RERE: variants seen among roughly 807,000 people sequenced by gnomAD.
RERE encodes arginine-glutamic acid dipeptide repeats.
RERE carries 40 observed loss-of-function variants against 146.1 expected under a neutral mutation model. The ratio of observed to expected loss-of-function variants is 0.27; its 90% CI spans 0.21 to 0.36. The LOEUF is 0.36. Ranked by LOEUF, RERE falls within the 10% of genes least tolerant of loss-of-function variation. The pLI is 1.00. For synonymous variants in RERE, 1,003 were observed against 866.0 expected (o/e 1.16, Z -2.78); for missense variants, 1,933 against 2,138.7 (o/e 0.90, Z 1.90).
intron 2 of RERE, among the ~76,000 whole-genome samples, chr1:8,642,386 G>A (rs1224918642): frequency 6.6e-6 from 1 of 152,192 alleles, no homozygotes; most frequent in Non-Finnish European, 1.5e-5. Context: ...CTGTGTAACT[G>A]ATTCAGATTT....
intron 12 of RERE, among the ~76,000 whole-genome samples, chr1:8,371,838 T>C (rs1441653102): frequency 2.6e-5 from 4 of 152,152 alleles, no homozygotes; most frequent in Non-Finnish European, 5.9e-5. Context: ...CCAGGCCCAG[T>C]TCTGCTTTAT....
intron 11 of RERE, among the ~76,000 whole-genome samples, chr1:8,455,180 C>A (rs1459256117): frequency 6.6e-6 from 1 of 152,120 alleles, no homozygotes; most frequent in East Asian, 1.9e-4. Flanking sequence ...CTCTGGGCAT[C>A]CTCCTATTTT....
At chr1:8,526,808 C>G (rs2124355615) in intron 7 of RERE, among the ~76,000 whole-genome samples, 1 of 152,262 alleles carries the variant, frequency 6.6e-6, no homozygotes, top group South Asian at 2.1e-4. Context: ...ATTTGAGGTC[C>G]TGATTCAAAA....
At chr1:8,732,808 CTTTTTTT>C (rs59337140) in intron 1 of RERE, among the ~76,000 whole-genome samples, 203 of 65,742 alleles carry the variant, frequency 3.1e-3, no homozygotes, top group African/African-American at 0.01. Context: ...TTCAATTTTT[CTTTTTTT>C]TTTTTTTTTT....
At chr1:8,811,688 G>A (rs1309091377) in intron 1 of RERE, among the ~76,000 whole-genome samples, 1 of 152,234 alleles carries the variant, frequency 6.6e-6, no homozygotes, top group African/African-American at 2.4e-5. Context: ...TGCTAAGTGT[G>A]TGCATGGCTG....
intron 4 of RERE, among the ~76,000 whole-genome samples, chr1:8,576,752 G>A (rs574862247): frequency 7.2e-5 from 11 of 152,326 alleles, no homozygotes; most frequent in African/African-American, 2.6e-4. Context: ...GAAAAGGGTT[G>A]TCATTATGTT....
chr1:8,775,248 C>T (rs1001778071), intron 1 of RERE, among the ~76,000 whole-genome samples: 2 of 152,072 alleles, frequency 1.3e-5, no homozygotes, highest in Non-Finnish European at 2.9e-5. Flanking sequence ...CATGAGTCAC[C>T]ACACCCAGCC....
At chr1:8,370,428 A>AC (rs1641993296) in intron 12 of RERE, among the ~76,000 whole-genome samples, 1 of 152,210 alleles carries the variant, frequency 6.6e-6, no homozygotes, top group Admixed American at 6.5e-5. Context: ...ACAAATGTAT[A>AC]CAGTGGTCAA....
chr1:8,398,898 C>T (rs1015880335), intron 12 of RERE, among the ~76,000 whole-genome samples: 13 of 152,182 alleles, frequency 8.5e-5, no homozygotes, highest in Non-Finnish European at 2.9e-5. Context: ...AGAGTACCTG[C>T]TTTTCAACAA....
chr1:8,361,341 C>G lies in RERE; in HGVS notation c.2166G>C (p.Glu722Asp), dbSNP rs1360760237. Residue 722 changes from glutamate (E) to aspartate (D), a missense_variant, in exon 18 of 23, where the codon GAG becomes GAC. By Grantham distance (45) the Glu-to-Asp change is conservative. This residue lies in a region of RERE where 1,255 missense variants were observed against 1,153.8 expected (regional missense o/e 1.09). Coordinates refer to ENST00000400908, the MANE Select transcript of RERE (RefSeq NM_001042681.2). The stretch of plus-strand genomic sequence containing the variant: ...GCTGGGCTGACGAGTCCGAGTCACT[C>G]TCATTGTCCTGGGGGCTGGGGATGC... ...SPSIPSPQDN[E>D]SDSDSSAQQQ... 3 of 1,613,360 alleles carry G rather than the reference C, an allele frequency of 1.9e-6. No individual in the cohort carries two copies. Among genetic ancestry groups the G allele is most frequent in the Non-Finnish European group, 2.5e-6 (3 of 1,179,614 alleles).
intron 12 of RERE, among the ~76,000 whole-genome samples, chr1:8,409,497 C>T (rs563755639): frequency 6.6e-6 from 1 of 152,186 alleles, no homozygotes; most frequent in African/African-American, 2.4e-5. Context: ...AGCAGAAAGT[C>T]CAATTTGGAC....
chr1:8,360,602 G>A lies in RERE; in HGVS notation c.2905C>T (p.Leu969=). Residue 969 remains leucine, a synonymous_variant, in exon 18 of 23, where the codon CTG becomes TTG. Transcript: ENST00000400908. Reference sequence around the variant, plus strand: ...GTGGACAGGGAGCTCAGGGGCTTCAGGGCTGGAGGGGGAGGCAGGTTGGCA... The same window carrying A: ...GTGGACAGGGAGCTCAGGGGCTTCAAGGCTGGAGGGGGAGGCAGGTTGGCA... The part of the protein sequence containing the change: ...MNANLPPPPA[L]KPLSSLSTHH... 4 of 1,510,982 alleles carry A rather than the reference G, an allele frequency of 2.6e-6. No homozygotes were observed. The highest frequency in any genetic ancestry group is 3.5e-6 in the Non-Finnish European group (4 of 1,131,428). 93.6% of individuals were successfully genotyped at this position (1,510,982 alleles called of 1,614,324 possible). A position where few individuals can be genotyped will look rare whatever the true frequency, so the allele number is the denominator to read the frequency against.
chr1:8,768,960 G>A (rs980759518), intron 1 of RERE, among the ~76,000 whole-genome samples: 4 of 152,148 alleles, frequency 2.6e-5, no homozygotes, highest in African/African-American at 9.7e-5. Flanking sequence ...TCGGCAAACG[G>A]TGGCCCACAG....
chr1:8,524,417 G>A (rs1162897250), intron 7 of RERE, among the ~76,000 whole-genome samples: 1 of 152,016 alleles, frequency 6.6e-6, no homozygotes, highest in Non-Finnish European at 1.5e-5. Flanking sequence ...TAAAATCAAG[G>A]GCCTCCCTGG....
chr1:8,579,584 A>G (rs1240986754), intron 4 of RERE, among the ~76,000 whole-genome samples: 3 of 152,262 alleles, frequency 2.0e-5, no homozygotes, highest in Non-Finnish European at 4.4e-5. Flanking sequence ...GGGAATTTAT[A>G]GAGACTACTG....
chr1:8,377,775 G>A (rs149075698), intron 12 of RERE, among the ~76,000 whole-genome samples: 6 of 152,208 alleles, frequency 3.9e-5, no homozygotes, highest in East Asian at 1.9e-4. Context: ...TGACGGGAGC[G>A]GGACGAACGA....
chr1:8,667,077 T>C (rs1638591838), intron 1 of RERE, among the ~76,000 whole-genome samples: 1 of 152,204 alleles, frequency 6.6e-6, no homozygotes, highest in Non-Finnish European at 1.5e-5. Flanking sequence ...TTAATGCTGA[T>C]AGTAGCACTT....
At chr1:8,729,205 T>A (rs1328926829) in intron 1 of RERE, among the ~76,000 whole-genome samples, 1 of 142,998 alleles carries the variant, frequency 7.0e-6, no homozygotes, top group African/African-American at 2.5e-5. Flanking sequence ...TTATTAGAAG[T>A]CAGCTACACC....
intron 12 of RERE, among the ~76,000 whole-genome samples, chr1:8,418,858 A>C (rs1187061838): frequency 2.6e-5 from 4 of 152,168 alleles, no homozygotes; most frequent in African/African-American, 7.2e-5. Flanking sequence ...TGTACCATCC[A>C]TCTACCCAAC....
Sources: gnomAD v4.1 joint callset for allele counts (sites outside exome capture counted in the v4.1 genomes callset) on GRCh38, gnomAD v4.1.1 for gene constraint, gnomAD v4.1.1 regional missense constraint, MANE v1.5 for transcripts, NCBI Gene and HGNC (gene_info 2026-07-23, HGNC 2026-07-21) for gene names.